The following CA10 variants were observed in gnomAD, a reference collection of about 807,000 sequenced individuals.
CA10 encodes carbonic anhydrase 10 (inactive), also known as carbonic anhydrase-related protein 10.
In CA10, 14 loss-of-function variants were observed where a neutral mutation model predicts 44.2. The ratio of observed to expected loss-of-function variants is 0.32; its 90% CI spans 0.21 to 0.50. The LOEUF (loss-of-function observed/expected upper bound fraction) is 0.50, where lower values mean the gene tolerates loss of function less well. Ranked by LOEUF, CA10 falls within the 20% of genes least tolerant of loss-of-function variation. The pLI, the probability that CA10 is intolerant of heterozygous loss-of-function variation, is 0.99. For synonymous variants in CA10, 159 were observed against 141.6 expected (o/e 1.12, Z -0.87); for missense variants, 350 against 409.7 (o/e 0.85, Z 1.26).
chr17:51,989,143 ATC>A (rs761858581), intron 2 of CA10, among the ~76,000 whole-genome samples: 1 of 149,824 alleles, frequency 6.7e-6, no homozygotes, highest in African/African-American at 2.5e-5. Context: ...CTATATCAGA[ATC>A]TCTGTTTCTT....
intron 3 of CA10, among the ~76,000 whole-genome samples, chr17:51,862,166 GA>G (rs1979339827): frequency 6.6e-6 from 1 of 152,168 alleles, no homozygotes; most frequent in Non-Finnish European, 1.5e-5. Flanking sequence ...TCAACTCCTT[GA>G]AGAAAGTTTC....
At chr17:52,120,161 G>C (rs978113365) in intron 1 of CA10, among the ~76,000 whole-genome samples, 2 of 152,160 alleles carry the variant, frequency 1.3e-5, no homozygotes, top group Non-Finnish European at 2.9e-5. Flanking sequence ...GCAGCCTTGG[G>C]ATTTTTGAGC....
chr17:51,643,579 T>C (rs1444912504), intron 6 of CA10, among the ~76,000 whole-genome samples: 1 of 152,154 alleles, frequency 6.6e-6, no homozygotes, highest in Non-Finnish European at 1.5e-5. Context: ...AATCTAAGCT[T>C]GCAAGGAAAG....
At chr17:51,858,516 C>T (rs189295681) in intron 3 of CA10, among the ~76,000 whole-genome samples, 13 of 152,308 alleles carry the variant, frequency 8.5e-5, no homozygotes, top group African/African-American at 3.1e-4. Context: ...TCATTATACA[C>T]ACTCCAAAAG....
intron 4 of CA10, among the ~76,000 whole-genome samples, chr17:51,716,956 G>A (rs970032379): frequency 8.5e-5 from 13 of 152,178 alleles, no homozygotes; most frequent in Non-Finnish European, 1.9e-4. Flanking sequence ...GACACAGAGA[G>A]ATGAATTATA....
At chr17:51,641,544 G>A (rs544268314) in intron 6 of CA10, among the ~76,000 whole-genome samples, 4 of 152,296 alleles carry the variant, frequency 2.6e-5, no homozygotes, top group Admixed American at 1.3e-4. Flanking sequence ...TAATCAATAA[G>A]TGTAGAATAT....
chr17:51,835,908 A>G (rs906353887), intron 3 of CA10, among the ~76,000 whole-genome samples: 1 of 152,194 alleles, frequency 6.6e-6, no homozygotes, highest in Non-Finnish European at 1.5e-5. Flanking sequence ...TTTGAGCTAG[A>G]AGGGTAAGAA....
chr17:51,838,857 T>C (rs779493098), intron 3 of CA10, among the ~76,000 whole-genome samples: 8 of 152,360 alleles, frequency 5.3e-5, no homozygotes, highest in East Asian at 1.9e-4. Context: ...CTATCAAAGA[T>C]TGAATCACTC....
chr17:51,723,830 C>T (rs1047523819), intron 4 of CA10, among the ~76,000 whole-genome samples: 17 of 152,298 alleles, frequency 1.1e-4, no homozygotes, highest in African/African-American at 4.1e-4. Context: ...TCTGTCCTCA[C>T]ATTTCTGAGT....
At chr17:52,020,739 G>A (rs1246829289) in intron 2 of CA10, among the ~76,000 whole-genome samples, 1 of 151,944 alleles carries the variant, frequency 6.6e-6, no homozygotes, top group Non-Finnish European at 1.5e-5. Context: ...TTTGGGGCAT[G>A]ATTGATTCCA....
intron 4 of CA10, among the ~76,000 whole-genome samples, chr17:51,715,144 C>T (rs1916059256): frequency 6.6e-6 from 1 of 151,992 alleles, no homozygotes; most frequent in Admixed American, 6.6e-5. Context: ...CATGTTCTCA[C>T]TCATAGGTGG....
chr17:51,843,705 T>A (rs1161267055), intron 3 of CA10, among the ~76,000 whole-genome samples: 1 of 152,140 alleles, frequency 6.6e-6, no homozygotes, highest in African/African-American at 2.4e-5. Flanking sequence ...ATATTATTAC[T>A]TTTTTTGGTA....
chr17:51,667,890 G>A (rs927388136), intron 4 of CA10, among the ~76,000 whole-genome samples: 1 of 152,150 alleles, frequency 6.6e-6, no homozygotes, highest in East Asian at 1.9e-4. Context: ...CAGGCGTGTG[G>A]GCACTCTATA....
chr17:51,797,373 C>G (rs1407654262), intron 3 of CA10, among the ~76,000 whole-genome samples: 1 of 152,188 alleles, frequency 6.6e-6, no homozygotes, highest in Admixed American at 6.5e-5. Flanking sequence ...CACGCACACA[C>G]GCACACCCCG....
At chr17:52,120,118 A>C (rs1988980797) in intron 1 of CA10, among the ~76,000 whole-genome samples, 1 of 152,228 alleles carries the variant, frequency 6.6e-6, no homozygotes, top group Admixed American at 6.5e-5. Context: ...CTTAGCAAGC[A>C]TAACTATAGC....
In CA10 at chr17:51,842,459, G is replaced by A. The variant is rs533457227; in HGVS notation, c.279+88531C>T. Among the ~76,000 whole-genome samples, 68 of 152,258 alleles carry A rather than the reference G, an allele frequency of 4.5e-4. 2 individuals are homozygous for A. In the South Asian group the frequency reaches 0.012, roughly 28 times the overall value. ...TCCTGTTTATCCATTAAACACTACC[G>A]AGATTGAGTTGAGCACTGCACCATG... On this transcript the variant is annotated intron_variant, in intron 3 of 8. Transcript: ENST00000451037.
intron 2 of CA10, among the ~76,000 whole-genome samples, chr17:52,012,592 A>G (rs1985834047): frequency 6.6e-6 from 1 of 152,056 alleles, no homozygotes; most frequent in African/African-American, 2.4e-5. Context: ...AGAAATGTAA[A>G]TGGTTCAAAG....
At chr17:51,633,429 A>T (rs749553794) in intron 8 of CA10, 47 bp downstream of exon 8, 2 of 1,554,678 alleles carry the variant, frequency 1.3e-6, no homozygotes, top group East Asian at 4.5e-5. Context: ...AAGCAGAAAG[A>T]CTGAGCTCTA....
intron 6 of CA10, among the ~76,000 whole-genome samples, chr17:51,637,255 C>T (rs200463269): frequency 7.0e-4 from 107 of 152,286 alleles, no homozygotes; most frequent in Non-Finnish European, 1.4e-3. Flanking sequence ...CTACCTGCTT[C>T]TCTCAATGAT....
Sources: allele counts gnomAD v4.1 joint callset (sites outside exome capture counted in the v4.1 genomes callset), GRCh38; gene constraint gnomAD v4.1.1; transcripts MANE v1.5; gene names NCBI Gene and HGNC (gene_info 2026-07-23, HGNC 2026-07-21).